The following LRP1B variants were observed in gnomAD, a reference collection of about 807,000 sequenced individuals.
LRP1B encodes LDL receptor related protein 1B.
A neutral mutation model predicts 556.6 loss-of-function variants in LRP1B; 217 were observed. That is an observed-to-expected ratio of 0.39 (90% CI 0.35 to 0.44). LRP1B has a LOEUF of 0.44. Ranked by LOEUF, LRP1B falls within the 20% of genes least tolerant of loss-of-function variation. The probability of loss-of-function intolerance (pLI) is 1.00; values close to 1 mark genes in which losing one functional copy is unlikely to be tolerated. For synonymous variants in LRP1B, 2,047 were observed against 1,865.8 expected, an observed-to-expected ratio of 1.10 and a Z score of -2.50; for missense variants, 5,053 against 5,620.8, an observed-to-expected ratio of 0.90 and a Z score of 3.23.
intron 2 of LRP1B, among the ~76,000 whole-genome samples, chr2:141,757,501 A>G (rs1027328729): frequency 5.3e-5 from 8 of 152,220 alleles, no homozygotes; most frequent in African/African-American, 1.9e-4. Context: ...AATAAAATTT[A>G]AGATCCATAA....
chr2:140,936,248 G>T (rs1289476489), intron 20 of LRP1B, among the ~76,000 whole-genome samples: 1 of 148,716 alleles, frequency 6.7e-6, no homozygotes, highest in African/African-American at 2.5e-5. Flanking sequence ...GCTGAGGCAG[G>T]CAGATTGCTT....
intron 84 of LRP1B, among the ~76,000 whole-genome samples, chr2:140,289,109 T>C (rs2104982403): frequency 6.6e-6 from 1 of 152,076 alleles, no homozygotes; most frequent in East Asian, 1.9e-4. Context: ...CCAAAATTAC[T>C]AAATATAATT....
intron 2 of LRP1B, among the ~76,000 whole-genome samples, chr2:141,761,578 G>A (rs780070803): frequency 1.3e-5 from 2 of 151,976 alleles, no homozygotes; most frequent in Non-Finnish European, 2.9e-5. Flanking sequence ...AAATTTAGAG[G>A]CAGCCACCAA....
intron 2 of LRP1B, among the ~76,000 whole-genome samples, chr2:141,675,499 G>A (rs1270718369): frequency 7.1e-6 from 1 of 141,196 alleles, no homozygotes; most frequent in Non-Finnish European, 1.5e-5. Context: ...GATCACCTTG[G>A]GAAAACTACT....
intron 7 of LRP1B, among the ~76,000 whole-genome samples, chr2:141,101,853 A>G (rs1348609442): frequency 6.6e-6 from 1 of 152,138 alleles, no homozygotes; most frequent in Non-Finnish European, 1.5e-5. Flanking sequence ...TATCTCTTCA[A>G]TAGGGAGAAG....
chr2:141,189,845 C>T (rs1171342925), intron 6 of LRP1B, among the ~76,000 whole-genome samples: 1 of 151,900 alleles, frequency 6.6e-6, no homozygotes, highest in African/African-American at 2.4e-5. Flanking sequence ...CCGCTTTGAA[C>T]TTCAGACTGC....
chr2:140,330,199 C>CAATAATAATAATAATAATAAT (rs70985089), intron 79 of LRP1B, among the ~76,000 whole-genome samples: 23 of 137,972 alleles, frequency 1.7e-4, no homozygotes, highest in African/African-American at 4.8e-4. Context: ...GACTCTGTCT[C>CAATAATAATAATAATAATAAT]AATAATAATA....
chr2:140,248,639 TA>T (rs1165356273), intron 86 of LRP1B, among the ~76,000 whole-genome samples: 8 of 151,688 alleles, frequency 5.3e-5, no homozygotes, highest in Non-Finnish European at 7.4e-5. Context: ...ATCATTAGAA[TA>T]AAGTGAACAA....
chr2:140,676,447 T>A (rs189580466), intron 41 of LRP1B, among the ~76,000 whole-genome samples: 1,541 of 152,346 alleles, frequency 0.01, 29 homozygotes, highest in African/African-American at 0.034. Context: ...TACTTTTTTT[T>A]AAAATCACCC....
At chr2:142,123,408 A>G (rs2105015630) in intron 1 of LRP1B, among the ~76,000 whole-genome samples, 1 of 152,096 alleles carries the variant, frequency 6.6e-6, no homozygotes, top group Non-Finnish European at 1.5e-5. Context: ...TGTCCTATTG[A>G]TTGCAAGAAT....
intron 11 of LRP1B, among the ~76,000 whole-genome samples, chr2:141,021,173 A>T (rs1268055443): frequency 6.6e-6 from 1 of 152,190 alleles, no homozygotes; most frequent in East Asian, 1.9e-4. Flanking sequence ...CTCTGTATTC[A>T]CACACTACAA....
rs1453534665 is a variant in LRP1B, at chr2:140,763,794, T to A, written c.5758+5419A>T. On this transcript the variant is annotated intron_variant, in intron 35 of 90. Transcript: ENST00000389484. ...ATTTCAGGTAGTATTGATAAGTTTTTATTTTCTTGTGATATTACATCTTGA... is the reference window on the plus strand; with the variant it reads ...ATTTCAGGTAGTATTGATAAGTTTTAATTTTCTTGTGATATTACATCTTGA... Among the ~76,000 whole-genome samples, 5 of 152,168 alleles carry A rather than the reference T, an allele frequency of 3.3e-5. No individual in the cohort carries two copies. The South Asian group carries it at 8.3e-4, about 25-fold the overall frequency.
At chr2:141,831,530 T>A (rs1248234679) in intron 1 of LRP1B, among the ~76,000 whole-genome samples, 1 of 151,586 alleles carries the variant, frequency 6.6e-6, no homozygotes. Context: ...TAAGCCTAAA[T>A]GAAGGTAGGA....
chr2:141,690,410 T>A (rs895856328), intron 2 of LRP1B, among the ~76,000 whole-genome samples: 4,580 of 81,626 alleles, frequency 0.056, 257 homozygotes, highest in Middle Eastern at 0.098. Flanking sequence ...TATATATATA[T>A]ATATATATAT....
intron 2 of LRP1B, among the ~76,000 whole-genome samples, chr2:141,563,959 C>T (rs1382827003): frequency 3.3e-5 from 5 of 151,946 alleles, no homozygotes; most frequent in Non-Finnish European, 5.9e-5. Flanking sequence ...TCCCAAACCT[C>T]GGCAACACAC....
chr2:140,760,763 G>A (rs566983397), intron 35 of LRP1B, among the ~76,000 whole-genome samples: 1 of 152,242 alleles, frequency 6.6e-6, no homozygotes, highest in Non-Finnish European at 1.5e-5. Context: ...GTGGGCACCT[G>A]TAGTCCCAGC....
At chr2:140,496,847 A>G (rs370572371) in intron 55 of LRP1B, among the ~76,000 whole-genome samples, 27 of 151,984 alleles carry the variant, frequency 1.8e-4, no homozygotes, top group African/African-American at 6.0e-4. Flanking sequence ...AAAAGTAACT[A>G]GTATTCAAGA....
chr2:141,993,506 C>T (rs1702401426), intron 1 of LRP1B, among the ~76,000 whole-genome samples: 2 of 152,230 alleles, frequency 1.3e-5, no homozygotes, highest in African/African-American at 4.8e-5. Flanking sequence ...GAAAAGAAAT[C>T]TGGGAAATGC....
At position 141,489,228 on chromosome 2, in the gene LRP1B, T is replaced by A. The variant is rs193215526; in HGVS notation, c.206-8695A>T. Among the ~76,000 whole-genome samples, 15 of 136,262 alleles carry A rather than the reference T, an allele frequency of 1.1e-4. No individual in the cohort carries two copies. The East Asian group carries it at 2.3e-3, about 21-fold the overall frequency. The allele number at this position is 136,262 out of a possible 152,430, so 89.4% of individuals were successfully genotyped here. A position where few individuals can be genotyped will look rare whatever the true frequency, so the allele number is the denominator to read the frequency against. On this transcript the variant is annotated intron_variant, in intron 2 of 90. Transcript: ENST00000389484. ...GTCTCAAACTCTGGAGCTCAAGCAA[T>A]CTGCTTGGCTTCACCTCCCAAAACA...
Sources: allele counts gnomAD v4.1 joint callset (sites outside exome capture counted in the v4.1 genomes callset), GRCh38; gene constraint gnomAD v4.1.1; transcripts MANE v1.5; gene names NCBI Gene and HGNC (gene_info 2026-07-23, HGNC 2026-07-21).